CCNJ: variants seen among roughly 807,000 people sequenced by gnomAD.
CCNJ encodes cyclin J.
A neutral mutation model predicts 41.4 loss-of-function variants in CCNJ; 12 were observed. The observed-to-expected ratio is 0.29, with a 90% CI of 0.19 to 0.47. The LOEUF is 0.47. CCNJ is among the 20% of genes least tolerant of loss of function. CCNJ has a pLI of 1.00. For missense variants in CCNJ, 340 were observed against 464.6 expected, an observed-to-expected ratio of 0.73 and a Z score of 2.47; for synonymous variants, 161 against 173.4, an observed-to-expected ratio of 0.93 and a Z score of 0.56.
chr10:96,050,523 AAATTT>A lies in CCNJ; in HGVS notation c.280+59_280+63del. 2.4e-6 allele frequency: 3 copies of A among 1,260,954 alleles called. No individual in the cohort carries two copies. In the South Asian group the frequency reaches 3.7e-5, roughly 16 times the overall value. 78.1% of individuals were successfully genotyped at this position (1,260,954 alleles called of 1,614,324 possible). On this transcript the variant is annotated intron_variant, in intron 3 of 5. Coordinates refer to ENST00000465148, the MANE Select transcript of CCNJ (RefSeq NM_001134375.2). ...ATTTCTGATGTTTATATAATAAAAT[AAATTT>A]ATGTAGAACTCAGTGAAATATCATC...
chr10:96,049,481 C>CTTTTTTTTTTTTTTTTTT (rs150769179), intron 2 of CCNJ, among the ~76,000 whole-genome samples: 13 of 108,282 alleles, frequency 1.2e-4, no homozygotes, highest in East Asian at 2.7e-4. Context: ...TTTTCTTTTT[C>CTTTTTTTTTTTTTTTTTT]TTTTTTTTTT....
chr10:96,057,875 A>G lies in CCNJ; in HGVS notation c.786A>G (p.Gln262=), dbSNP rs748188497. The change falls in exon 6 of 6, where the codon CAA becomes CAG. Residue 262 remains glutamine (Q), a synonymous_variant. Coordinates refer to ENST00000465148, the MANE Select transcript of CCNJ (RefSeq NM_001134375.2). ...AAGAAGCAAACAAACAGAGAGGGCAAGCAGGACCTCAGTCAGCGCAACTAA... is the reference window on the plus strand; with the variant it reads ...AAGAAGCAAACAAACAGAGAGGGCAGGCAGGACCTCAGTCAGCGCAACTAA... ...DVKEANKQRG[Q]AGPQSAQLSV... is the part of the protein sequence containing the mutation. The G allele has an allele frequency of 1.2e-6, 2 of 1,614,038 alleles. No homozygotes were observed. The highest frequency in any genetic ancestry group is 1.7e-5 in the Admixed American group (1 of 60,004).
At chr10:96,043,951 G>A (rs2080285525) in intron 1 of CCNJ, among the ~76,000 whole-genome samples, 1 of 152,200 alleles carries the variant, frequency 6.6e-6, no homozygotes, top group Non-Finnish European at 1.5e-5. Context: ...CCATGGGAGC[G>A]TTTCCCCTCA....
chr10:96,045,353 A>G (rs1292693866), intron 2 of CCNJ, among the ~76,000 whole-genome samples: 6 of 152,254 alleles, frequency 3.9e-5, no homozygotes, highest in African/African-American at 1.4e-4. Context: ...TTGAGAAAGA[A>G]GCAAAACAGC....
intron 2 of CCNJ, among the ~76,000 whole-genome samples, chr10:96,047,129 T>G (rs2080385946): frequency 6.6e-6 from 1 of 152,216 alleles, no homozygotes; most frequent in African/African-American, 2.4e-5. Context: ...CTGTATTTGA[T>G]TCACCTGCTA....
At chr10:96,047,697 T>G (rs748089482) in intron 2 of CCNJ, among the ~76,000 whole-genome samples, 1 of 152,224 alleles carries the variant, frequency 6.6e-6, no homozygotes, top group Non-Finnish European at 1.5e-5. Flanking sequence ...ATTTTATCCA[T>G]TTATCTTAGG....
chr10:96,056,715 A>G lies in CCNJ; in HGVS notation c.295A>G (p.Lys99Glu). Residue 99 changes from lysine (K) to glutamate (E), a missense_variant, in exon 4 of 6, where the codon AAA (lysine) becomes GAA (glutamate). This residue lies in a region of CCNJ where 137 missense variants were observed against 252.9 expected (regional missense o/e 0.54). Transcript: ENST00000465148. ...TTTCTTATAAGGTAAATTTGAAGAA[A>G]AAGAAGACAGTGTGCCTAAGCTGGA... is the stretch of plus-strand genomic sequence containing the variant. ...CLLLASKFEE[K>E]EDSVPKLEQL... 1 of 1,591,990 alleles carries G rather than the reference A, an allele frequency of 6.3e-7. No individual in the cohort carries two copies. The highest frequency in any genetic ancestry group is 8.5e-7 in the Non-Finnish European group (1 of 1,171,594).
Position 96,057,159 on chromosome 10 carries a change from C to A in CCNJ, c.652C>A (p.Arg218Ser). Residue 218 changes from arginine to serine, a missense_variant, in exon 5 of 6, where the codon CGT (arginine) becomes AGT (serine). Physicochemically the swap from Arg to Ser is moderately radical, Grantham distance 110. Coordinates refer to ENST00000465148, the MANE Select transcript of CCNJ (RefSeq NM_001134375.2). ...ACVASSRIIL[R>S]LSPTWPTRLH... ...TGTGGCTTCTTCGAGGATTATACTT[C>A]GTCTTTCTCCAACGTGGCCTACAAG... The A allele has an allele frequency of 1.2e-6, 2 of 1,613,846 alleles. No homozygotes were observed. Among genetic ancestry groups the A allele is most frequent in the Non-Finnish European group, 1.7e-6 (2 of 1,179,718 alleles).
chr10:96,051,135 A>T (rs1006723092), intron 3 of CCNJ, among the ~76,000 whole-genome samples: 10 of 152,360 alleles, frequency 6.6e-5, no homozygotes, highest in African/African-American at 2.4e-4. Context: ...AAATGTGAAA[A>T]CTTTTGCTTA....
rs543744426 is a variant in CCNJ, at chr10:96,058,810, C to T, written c.*569C>T. 22 of 255,726 alleles carry T rather than the reference C, an allele frequency of 8.6e-5. No homozygotes were observed. Among genetic ancestry groups the T allele is most frequent in the African/African-American group, 4.8e-4 (22 of 45,428 alleles). 15.8% of individuals were successfully genotyped at this position (255,726 alleles called of 1,614,324 possible). A position where few individuals can be genotyped will look rare whatever the true frequency, so the allele number is the denominator to read the frequency against. On this transcript the variant is annotated 3_prime_UTR_variant, in exon 6 of 6. Transcript: ENST00000465148. The stretch of plus-strand genomic sequence containing the variant: ...AATTTTTTTAGATGATTCTATATAA[C>T]TTCGTCTCACAAATAGTGTAGGTAT...
intron 2 of CCNJ, among the ~76,000 whole-genome samples, chr10:96,045,134 T>C (rs905415278): frequency 2.0e-5 from 3 of 152,196 alleles, no homozygotes; most frequent in South Asian, 2.1e-4. Context: ...GTAGACTTAA[T>C]AGATATTGGA....
Position 96,055,043 on chromosome 10 carries a change from T to G in CCNJ, c.281-1658T>G, listed in dbSNP as rs1320182866. ...ACTAGGAACACTGGTTCCCTCTTCT[T>G]TTTTCAGGCAATAAGCTGGATAACT... On this transcript the variant is annotated intron_variant, in intron 3 of 5. Coordinates refer to ENST00000465148, the MANE Select transcript of CCNJ (RefSeq NM_001134375.2). Among the ~76,000 whole-genome samples, 3 of 152,310 alleles carry G rather than the reference T, an allele frequency of 2.0e-5. No individual in the cohort carries two copies. In the East Asian group the frequency reaches 5.8e-4, roughly 29 times the overall value.
chr10:96,044,233 G>A, intron 1 of CCNJ, 120 bp from the exon 2 acceptor site: 1 of 459,098 alleles, frequency 2.2e-6, no homozygotes, highest in South Asian at 5.5e-5. Flanking sequence ...GCTGGGTTGA[G>A]GAAGAGTCAA....
chr10:96,055,917 CTCTCTG>C (rs2080672672), intron 3 of CCNJ, among the ~76,000 whole-genome samples: 1 of 152,198 alleles, frequency 6.6e-6, no homozygotes, highest in Admixed American at 6.5e-5. Context: ...CCTCCAGTCT[CTCTCTG>C]GAATTGAGAT....
At chr10:96,057,350 A>G (rs2080721950) in intron 5 of CCNJ, 103 bp downstream of exon 5, 2 of 1,011,660 alleles carry the variant, frequency 2.0e-6, no homozygotes, top group Non-Finnish European at 3.0e-6. Context: ...TTCCTAGGTT[A>G]TTTGCTTTTG....
rs373912632 is a variant in CCNJ at position 96,054,008 on chromosome 10, G to A, written c.281-2693G>A. Among the ~76,000 whole-genome samples, 425 of 152,152 alleles carry A rather than the reference G, an allele frequency of 2.8e-3. 1 individual carries two copies. Among genetic ancestry groups the A allele is most frequent in the African/African-American group, 9.6e-3 (400 of 41,512 alleles). On this transcript the variant is annotated intron_variant, in intron 3 of 5. Transcript: ENST00000465148. ...CAGAGCACTCGGTGACATCTGATCCGTGCCCTATTCAGTATATAAATCTTC... is the reference window on the plus strand; with the variant it reads ...CAGAGCACTCGGTGACATCTGATCCATGCCCTATTCAGTATATAAATCTTC...
chr10:96,045,824 A>T (rs2080346553), intron 2 of CCNJ, among the ~76,000 whole-genome samples: 3 of 152,034 alleles, frequency 2.0e-5, no homozygotes, highest in Admixed American at 2.0e-4. Context: ...TAATTAGTTG[A>T]TATTAAGAGT....
In CCNJ at chr10:96,043,664, G is replaced by C. The variant is rs1178014489; in HGVS notation, c.-97G>C. 5 of 394,568 alleles carry C rather than the reference G, an allele frequency of 1.3e-5. No homozygotes were observed. The allele number at this position is 394,568 out of a possible 1,614,324, so 24.4% of individuals were successfully genotyped here. On this transcript the variant is annotated 5_prime_UTR_variant, in exon 1 of 6. Transcript: ENST00000465148. ...CGGCCCACTGTCCGCAGCATGAGCG[G>C]GGCCGGCGTCCGCCGCACGACGGCG...
rs1316523280 is a variant in CCNJ at position 96,057,916 on chromosome 10, C to G, written c.827C>G (p.Ala276Gly). The G allele has an allele frequency of 1.5e-5, 25 of 1,614,050 alleles. No individual in the cohort carries two copies. The highest frequency in any genetic ancestry group is 1.9e-5 in the Non-Finnish European group (23 of 1,179,996). ...QSAQLSVFQT[A>G]SQPSRPVHFQ... Reference sequence around the variant, plus strand: ...GCGCAACTAAGTGTATTCCAGACAGCCTCCCAGCCATCACGGCCAGTTCAC... The same window carrying G: ...GCGCAACTAAGTGTATTCCAGACAGGCTCCCAGCCATCACGGCCAGTTCAC... Residue 276 changes from alanine (A) to glycine (G), a missense_variant, in exon 6 of 6, where the codon GCC becomes GGC. By Grantham distance (60) the Ala-to-Gly change is moderately conservative. This residue lies in a region of CCNJ where 159 missense variants were observed against 168.2 expected (regional missense o/e 0.95). Coordinates refer to ENST00000465148, the MANE Select transcript of CCNJ (RefSeq NM_001134375.2).
Sources: allele counts gnomAD v4.1 joint callset (sites outside exome capture counted in the v4.1 genomes callset), GRCh38; gene constraint gnomAD v4.1.1; regional missense constraint gnomAD v4.1.1; transcripts MANE v1.5; gene names NCBI Gene and HGNC (gene_info 2026-07-23, HGNC 2026-07-21).